Variants in CARMIL1 observed in about 807,000 individuals in gnomAD.
CARMIL1 encodes the protein capping protein regulator and myosin 1 linker 1, also known as F-actin-uncapping protein LRRC16A.
A neutral mutation model predicts 177.1 loss-of-function variants in CARMIL1; 90 were observed. The observed-to-expected ratio is 0.51, with a 90% confidence interval of 0.43 to 0.61. The LOEUF is 0.61. Among genes scored for constraint, CARMIL1 ranks in the 20% least tolerant of loss-of-function variants. The pLI is 0.00. For missense variants in CARMIL1, 1,380 were observed against 1,667.0 expected, an observed-to-expected ratio of 0.83 and a Z score of 3.00; for synonymous variants, 577 against 606.2, an observed-to-expected ratio of 0.95 and a Z score of 0.71.
chr6:25,454,428 T>C (rs1799278235), intron 8 of CARMIL1, among the ~76,000 whole-genome samples: 1 of 152,136 alleles, frequency 6.6e-6, no homozygotes, highest in Non-Finnish European at 1.5e-5. Context: ...TCACGGGCTG[T>C]AGTCTGCTGA....
At chr6:25,355,438 T>G (rs536795667) in intron 2 of CARMIL1, among the ~76,000 whole-genome samples, 2 of 152,134 alleles carry the variant, frequency 1.3e-5, no homozygotes, top group African/African-American at 4.8e-5. Context: ...AGGCCAGGAG[T>G]TTAAGACTAG....
intron 36 of CARMIL1, among the ~76,000 whole-genome samples, chr6:25,615,178 C>A (rs1816800192): frequency 6.6e-6 from 1 of 152,210 alleles, no homozygotes; most frequent in Non-Finnish European, 1.5e-5. Flanking sequence ...CAGATCAATT[C>A]TATTAAATAA....
intron 31 of CARMIL1, among the ~76,000 whole-genome samples, chr6:25,585,010 C>T (rs1813501474): frequency 6.6e-6 from 1 of 152,082 alleles, no homozygotes; most frequent in Non-Finnish European, 1.5e-5. Context: ...AGGTAAGTCC[C>T]AAAATAATGC....
chr6:25,436,307 C>T (rs1797225681), intron 5 of CARMIL1, among the ~76,000 whole-genome samples: 1 of 152,164 alleles, frequency 6.6e-6, no homozygotes, highest in African/African-American at 2.4e-5. Flanking sequence ...AAATACCCTC[C>T]TGATAGAAGA....
chr6:25,281,247 G>A (rs1198603845), intron 1 of CARMIL1, among the ~76,000 whole-genome samples: 1 of 152,086 alleles, frequency 6.6e-6, no homozygotes, highest in East Asian at 1.9e-4. Flanking sequence ...GCTGGAGTGA[G>A]TGACACATCC....
At chr6:25,347,412 C>T (rs1787628645) in intron 2 of CARMIL1, among the ~76,000 whole-genome samples, 1 of 152,208 alleles carries the variant, frequency 6.6e-6, no homozygotes, top group African/African-American at 2.4e-5. Context: ...GGACAGAACC[C>T]AGGCTTGTGC....
intron 4 of CARMIL1, among the ~76,000 whole-genome samples, chr6:25,434,360 G>A (rs1797052178): frequency 6.6e-6 from 1 of 152,078 alleles, no homozygotes; most frequent in Admixed American, 6.6e-5. Context: ...TAGAGGACTA[G>A]CTGTCTCAGT....
rs560643376 is a variant in CARMIL1, at chr6:25,419,327, T to A, written c.139-787T>A. On this transcript the variant is annotated intron_variant, in intron 2 of 36. Transcript: ENST00000329474. ...CATCAGGACTTGAGAAGCCTTGGAG[T>A]TTTCTTTCTTTATTGAAAAGACTCA... 3.9e-5 allele frequency among the ~76,000 whole-genome samples: 6 copies of A among 152,150 alleles called. No homozygotes were observed. In the East Asian group the frequency reaches 1.2e-3, roughly 29 times the overall value.
At position 25,361,121 on chromosome 6, in the gene CARMIL1, G is replaced by C. The variant is rs76251850; in HGVS notation, c.139-58993G>C. ...TTCATTTTCAGATCTTTATGTAGAA[G>C]ATATATATAATTGAGCAGATTTTGA... On this transcript the variant is annotated intron_variant, in intron 2 of 36. Transcript: ENST00000329474. 8.2e-3 allele frequency among the ~76,000 whole-genome samples: 1,243 copies of C among 152,234 alleles called. 23 individuals carry two copies. The highest frequency in any genetic ancestry group is 0.028 in the African/African-American group (1,148 of 41,544).
intron 2 of CARMIL1, among the ~76,000 whole-genome samples, chr6:25,297,787 C>T (rs908509663): frequency 1.3e-5 from 2 of 152,204 alleles, no homozygotes; most frequent in African/African-American, 4.8e-5. Flanking sequence ...GCTTCATGCT[C>T]ACGTCGTTTT....
intron 8 of CARMIL1, among the ~76,000 whole-genome samples, chr6:25,453,745 A>G (rs1799221715): frequency 2.0e-5 from 3 of 152,162 alleles, no homozygotes; most frequent in Admixed American, 2.0e-4. Flanking sequence ...TTTGTTTTAG[A>G]GTTGTTATGA....
chr6:25,371,203 G>A lies in CARMIL1; in HGVS notation c.139-48911G>A, dbSNP rs546208154. Among the ~76,000 whole-genome samples the A allele has an allele frequency of 1.3e-3, 194 of 152,292 alleles. 2 individuals carry two copies. Among genetic ancestry groups the A allele is most frequent in the African/African-American group, 4.6e-3 (190 of 41,556 alleles). On this transcript the variant is annotated intron_variant, in intron 2 of 36. Transcript: ENST00000329474. ...GTTGGTTCTGTATCTTTGCAATTGT[G>A]AATGGTGCTGTGATGTGTGCACGTG...
At chr6:25,422,865 C>T (rs1161944644) in intron 3 of CARMIL1, among the ~76,000 whole-genome samples, 1 of 152,174 alleles carries the variant, frequency 6.6e-6, no homozygotes, top group Admixed American at 6.5e-5. Context: ...ATTCTGCCCC[C>T]TCCTTGCTCT....
rs186133617 is a variant in CARMIL1 at position 25,310,018 on chromosome 6, T to C, written c.138+25109T>C. 5.9e-5 allele frequency among the ~76,000 whole-genome samples: 9 copies of C among 152,250 alleles called. No individual in the cohort carries two copies. The East Asian group carries it at 1.7e-3, about 29-fold the overall frequency. On this transcript the variant is annotated intron_variant, in intron 2 of 36. Transcript: ENST00000329474. ...CTCCTGACCTCATGATCCACCCGCC[T>C]CTGCCTCCCAAAGTGCTGGGATTAC...
At chr6:25,571,157 A>G (rs1297441612) in intron 29 of CARMIL1, among the ~76,000 whole-genome samples, 1 of 152,184 alleles carries the variant, frequency 6.6e-6, no homozygotes, top group Non-Finnish European at 1.5e-5. Context: ...TAGTTCATTA[A>G]ACAGGGAAGG....
chr6:25,575,710 T>A (rs1461440198), intron 29 of CARMIL1, among the ~76,000 whole-genome samples: 1 of 152,198 alleles, frequency 6.6e-6, no homozygotes, highest in Non-Finnish European at 1.5e-5. Flanking sequence ...TGAAGTAAAT[T>A]GCCTGATCAA....
intron 24 of CARMIL1, among the ~76,000 whole-genome samples, chr6:25,537,191 G>C (rs1174167582): frequency 1.3e-5 from 2 of 152,090 alleles, no homozygotes; most frequent in Non-Finnish European, 2.9e-5. Context: ...AACTGGTAGG[G>C]GAGGCATCTT....
intron 2 of CARMIL1, among the ~76,000 whole-genome samples, chr6:25,333,351 C>T (rs1388271316): frequency 1.3e-5 from 2 of 152,064 alleles, no homozygotes; most frequent in African/African-American, 4.8e-5. Flanking sequence ...TTGCTTGACC[C>T]CAGGAGTTCG....
chr6:25,482,795 A>G (rs1802251234), intron 12 of CARMIL1, among the ~76,000 whole-genome samples: 1 of 152,056 alleles, frequency 6.6e-6, no homozygotes, highest in African/African-American at 2.4e-5. Context: ...AGATTTCCTT[A>G]TCTTCTCTCC....
Sources: allele counts gnomAD v4.1 joint callset (sites outside exome capture counted in the v4.1 genomes callset), GRCh38; gene constraint gnomAD v4.1.1; transcripts MANE v1.5; gene names NCBI Gene and HGNC (gene_info 2026-07-23, HGNC 2026-07-21).